Variants in KCTD10 observed in about 807,000 individuals in gnomAD.
KCTD10 encodes the protein potassium channel tetramerization domain containing 10.
In KCTD10, 13 loss-of-function variants were observed where a neutral mutation model predicts 34.6. The observed-to-expected ratio is 0.38, with a 90% CI of 0.24 to 0.60. The LOEUF is 0.60. Among genes scored for constraint, KCTD10 ranks in the 20% least tolerant of loss-of-function variants. KCTD10 has a pLI of 0.66. For missense variants in KCTD10, 256 were observed against 420.3 expected, an observed-to-expected ratio of 0.61 and a Z score of 3.42; for synonymous variants, 156 against 168.8, an observed-to-expected ratio of 0.92 and a Z score of 0.59.
At position 109,450,549 on chromosome 12, in the gene KCTD10, A is replaced by G. The variant is rs1030769745; in HGVS notation, c.*1046T>C. On this transcript the variant is annotated 3_prime_UTR_variant, in exon 7 of 7. Transcript: ENST00000228495. Reference sequence around the variant, plus strand: ...AGGGGGTCTGTGTTTATAGCAGGGAAGCTCCCTGGGGCTGGTGGTGTGAGG... The same window carrying G: ...AGGGGGTCTGTGTTTATAGCAGGGAGGCTCCCTGGGGCTGGTGGTGTGAGG... The G allele has an allele frequency of 2.8e-5, 11 of 395,584 alleles. No individual in the cohort carries two copies. The highest frequency in any genetic ancestry group is 4.0e-5 in the Non-Finnish European group (9 of 224,786). The allele number at this position is 395,584 out of a possible 1,614,324, so 24.5% of individuals were successfully genotyped here.
intron 2 of KCTD10, among the ~76,000 whole-genome samples, chr12:109,461,531 A>G (rs1873330144): frequency 6.6e-6 from 1 of 152,204 alleles, no homozygotes; most frequent in Non-Finnish European, 1.5e-5. Context: ...GGGGCCAGGA[A>G]GACTCCCTAC....
In KCTD10 at chr12:109,451,891, C is replaced by A; in HGVS notation, c.724-78G>T. ...AACACCTGGACTTTAAGCAGGGCCGCCAGGCTAAATCAGGCCCCTGGGATT... is the reference window on the plus strand; with the variant it reads ...AACACCTGGACTTTAAGCAGGGCCGACAGGCTAAATCAGGCCCCTGGGATT... On this transcript the variant is annotated intron_variant, in intron 6 of 6. Transcript: ENST00000228495. The surrounding 1 kb of genome is among the most constrained non-coding windows in gnomAD (Gnocchi z 5.0). 1 of 1,233,010 alleles carries A rather than the reference C, an allele frequency of 8.1e-7. No homozygotes were observed. The highest frequency in any genetic ancestry group is 2.0e-4 in the Middle Eastern group (1 of 4,936). The allele number at this position is 1,233,010 out of a possible 1,614,324, so 76.4% of individuals were successfully genotyped here. A position where few individuals can be genotyped will look rare whatever the true frequency, so the allele number is the denominator to read the frequency against.
At chr12:109,470,741 A>C (rs1053925315) in intron 1 of KCTD10, 1 of 272,306 alleles carries the variant, frequency 3.7e-6, no homozygotes, top group Non-Finnish European at 5.6e-6. Context: ...GTCCGGACAC[A>C]GACAAAAACA....
In KCTD10 at chr12:109,469,520, C is replaced by A. The variant is rs936655877; in HGVS notation, c.212G>T (p.Ser71Ile). ...CACATGGTGGGTGAGCTTACCTTCA[C>A]TGTCGGTGAGCACTTCCATGCGCCC... ...FSGRMEVLTD[S>I]EGWILIDRCG... The change falls in exon 2 of 7, where the codon AGT (serine) becomes ATT (isoleucine). Residue 71 changes from serine to isoleucine, a missense_variant. Physicochemically the swap from Ser to Ile is moderately radical, Grantham distance 142. Transcript: ENST00000228495. 1 of 1,613,830 alleles carries A rather than the reference C, an allele frequency of 6.2e-7. No homozygotes were observed. Among genetic ancestry groups the A allele is most frequent in the African/African-American group, 1.3e-5 (1 of 74,926 alleles).
At chr12:109,470,440 T>C in intron 1 of KCTD10, 1 of 985,474 alleles carries the variant, frequency 1.0e-6, no homozygotes, top group Middle Eastern at 5.2e-4. Context: ...TGGCTGACTC[T>C]CTGTACATCT....
intron 6 of KCTD10, among the ~76,000 whole-genome samples, chr12:109,455,738 A>AG (rs921810372): frequency 3.9e-5 from 6 of 152,194 alleles, no homozygotes; most frequent in East Asian, 1.9e-4. Flanking sequence ...AATTCAATTA[A>AG]GGGGGGGCCA....
Position 109,458,116 on chromosome 12 carries a change from G to A in KCTD10, c.388-38C>T. ...AACATGCTTTCAGCCTAGGAGGCCT[G>A]CCTAGCACTGCATTTTTAAAGTTGA... On this transcript the variant is annotated intron_variant, in intron 3 of 6. Transcript: ENST00000228495. 2.0e-6 allele frequency: 3 copies of A among 1,523,604 alleles called. No individual in the cohort carries two copies. The South Asian group carries it at 3.4e-5, about 17-fold the overall frequency. The allele number at this position is 1,523,604 out of a possible 1,614,324, so 94.4% of individuals were successfully genotyped here.
rs189783797 is a variant in KCTD10 at position 109,451,270 on chromosome 12, T to C, written c.*325A>G. 121 of 264,462 alleles carry C rather than the reference T, an allele frequency of 4.6e-4. No individual in the cohort carries two copies. Among genetic ancestry groups the C allele is most frequent in the African/African-American group, 2.4e-3 (111 of 45,388 alleles). 16.4% of individuals were successfully genotyped at this position (264,462 alleles called of 1,614,324 possible). Reference sequence around the variant, plus strand: ...AAGTCGACACCCACAAAAATAAATATTGCAAACAAAAGTTCTCACATACAC... The same window carrying C: ...AAGTCGACACCCACAAAAATAAATACTGCAAACAAAAGTTCTCACATACAC... On this transcript the variant is annotated 3_prime_UTR_variant, in exon 7 of 7. Transcript: ENST00000228495. This position sits in a 1 kb window ranked among gnomAD's most constrained non-coding sequence, Gnocchi z 5.0.
chr12:109,458,750 A>T (rs1170539417), intron 3 of KCTD10: 1 of 153,298 alleles, frequency 6.5e-6, no homozygotes, highest in Non-Finnish European at 1.4e-5. Context: ...CCCCTTCCAG[A>T]TCCCCAAAGG....
Position 109,460,616 on chromosome 12 carries a change from G to A in KCTD10, c.387+20C>T. On this transcript the variant is annotated intron_variant, in intron 3 of 6. Transcript: ENST00000228495. This position sits in a 1 kb window ranked among gnomAD's most constrained non-coding sequence, Gnocchi z 4.5. Reference sequence around the variant, plus strand: ...GCTTGGTGCCTCTCCACCCATATGGGAAGAAAGGGTGATGCCTACTTGTAG... The same window carrying A: ...GCTTGGTGCCTCTCCACCCATATGGAAAGAAAGGGTGATGCCTACTTGTAG... The A allele has an allele frequency of 5.6e-6, 9 of 1,608,786 alleles. No individual in the cohort carries two copies. Among genetic ancestry groups the A allele is most frequent in the Non-Finnish European group, 6.8e-6 (8 of 1,176,490 alleles).
chr12:109,456,638 C>T (rs1454049554), intron 5 of KCTD10: 2 of 399,098 alleles, frequency 5.0e-6, no homozygotes, highest in East Asian at 5.8e-5. Context: ...TGGAGGAGAG[C>T]ACCTCACCGA....
At position 109,477,268 on chromosome 12, in the gene KCTD10, G is replaced by C; in HGVS notation, c.-6C>G. 2 of 1,613,950 alleles carry C rather than the reference G, an allele frequency of 1.2e-6. No individual in the cohort carries two copies. The highest frequency in any genetic ancestry group is 1.7e-6 in the Non-Finnish European group (2 of 1,179,932). ...GGCACCGCCCTCCCTACCATGAAAA[G>C]TCGGAGGACGCAGGAGTCTCCAAAC... is the stretch of plus-strand genomic sequence containing the variant. On this transcript the variant is annotated 5_prime_UTR_variant, in exon 1 of 7. Transcript: ENST00000228495.
chr12:109,454,189 C>T (rs1390959163), intron 6 of KCTD10, among the ~76,000 whole-genome samples: 1 of 152,246 alleles, frequency 6.6e-6, no homozygotes, highest in East Asian at 1.9e-4. Context: ...CTCACAGATG[C>T]TAGCGCCAAG....
At chr12:109,469,432 G>A (rs1873763089) in intron 2 of KCTD10, 83 bp downstream of exon 2, 4 of 1,519,768 alleles carry the variant, frequency 2.6e-6, no homozygotes, top group Non-Finnish European at 3.6e-6. Context: ...TTCAGGTCTC[G>A]ACTTAAATGT....
intron 1 of KCTD10, chr12:109,470,256 T>C: frequency 3.0e-6 from 3 of 986,016 alleles, no homozygotes; most frequent in Non-Finnish European, 3.6e-6. Flanking sequence ...ATAAGCTTTA[T>C]GAAGTTGAAT....
intron 2 of KCTD10, chr12:109,464,744 G>C: frequency 2.3e-6 from 1 of 438,390 alleles, no homozygotes; most frequent in Non-Finnish European, 4.6e-6. Flanking sequence ...CAGACATTAG[G>C]AAATACTGAA....
intron 1 of KCTD10, among the ~76,000 whole-genome samples, chr12:109,473,667 G>A (rs751657819): frequency 4.6e-5 from 7 of 152,046 alleles, no homozygotes; most frequent in Non-Finnish European, 7.4e-5. Flanking sequence ...GGCAGCATTC[G>A]TGTCCTTGAG....
intron 4 of KCTD10, 64 bp from the exon 5 acceptor site, chr12:109,457,746 G>C: frequency 2.6e-6 from 4 of 1,521,526 alleles, no homozygotes; most frequent in Non-Finnish European, 3.7e-6. Context: ...TGAACTACTA[G>C]CTTCCCATAG....
chr12:109,457,116 C>T (rs1203330083), intron 5 of KCTD10: 1 of 155,330 alleles, frequency 6.4e-6, no homozygotes, highest in African/African-American at 2.4e-5. Flanking sequence ...ATGGATAAAC[C>T]TTGAAAACCT....
Sources: gnomAD v4.1 joint callset for allele counts (sites outside exome capture counted in the v4.1 genomes callset) on GRCh38, gnomAD v4.1.1 for gene constraint, Gnocchi (gnomAD v3.1) non-coding constraint, MANE v1.5 for transcripts, NCBI Gene and HGNC (gene_info 2026-07-23, HGNC 2026-07-21) for gene names.